Variants in DNAH7 observed in about 807,000 individuals in gnomAD.
DNAH7 encodes the protein axonemal beta dynein heavy chain 7.
DNAH7 carries 397 observed loss-of-function variants against 444.6 expected under a neutral mutation model. That is an observed-to-expected ratio of 0.89 (90% confidence interval 0.82 to 0.97). DNAH7 has a LOEUF of 0.97. Among genes scored for constraint, DNAH7 ranks in the 50% least tolerant of loss-of-function variants. The probability of loss-of-function intolerance (pLI) is 0.00; values close to 1 mark genes in which losing one functional copy is unlikely to be tolerated. For missense variants in DNAH7, 4,902 were observed against 4,800.8 expected (o/e 1.02, Z -0.62); for synonymous variants, 1,636 against 1,624.4 (o/e 1.01, Z -0.17).
chr2:195,824,270 A>AC lies in DNAH7; in HGVS notation c.9275_9276insG (p.Glu3093Ter), dbSNP rs1697606583. On this transcript the variant is annotated frameshift_variant, in exon 49 of 65. Transcript: ENST00000312428. LOFTEE classifies it high-confidence loss of function. ...ATATACTGGCCTTTACTGATGTTTC[A>AC]GGAAGATAATGAGGATTTCTTAACT... 5 of 1,612,364 alleles carry AC rather than the reference A, an allele frequency of 3.1e-6. No individual in the cohort carries two copies. The African/African-American group carries it at 4.0e-5, about 13-fold the overall frequency.
At chr2:196,046,543 A>T (rs1309213544) in intron 5 of DNAH7, among the ~76,000 whole-genome samples, 1 of 152,200 alleles carries the variant, frequency 6.6e-6, no homozygotes, top group Non-Finnish European at 1.5e-5. Flanking sequence ...AAACAATATA[A>T]GTGGGGAAAG....
intron 2 of DNAH7, among the ~76,000 whole-genome samples, chr2:196,057,316 A>T (rs895512155): frequency 1.2e-4 from 19 of 152,222 alleles, no homozygotes; most frequent in African/African-American, 4.3e-4. Flanking sequence ...AGATTATTCA[A>T]CTCAGCCACT....
intron 1 of DNAH7, among the ~76,000 whole-genome samples, chr2:196,062,661 G>A (rs1370573795): frequency 1.3e-5 from 2 of 151,950 alleles, no homozygotes; most frequent in Non-Finnish European, 2.9e-5. Context: ...CAAGCAGTTG[G>A]GGACACTATC....
intron 10 of DNAH7, among the ~76,000 whole-genome samples, chr2:196,003,122 A>G (rs1694148493): frequency 6.6e-6 from 1 of 151,982 alleles, no homozygotes; most frequent in Non-Finnish European, 1.5e-5. Flanking sequence ...TTCCATTTAA[A>G]TAATGAAGAA....
intron 21 of DNAH7, among the ~76,000 whole-genome samples, chr2:195,931,094 T>C (rs552359525): frequency 1.3e-5 from 2 of 152,160 alleles, no homozygotes; most frequent in Non-Finnish European, 2.9e-5. Flanking sequence ...GCTCAGTACC[T>C]GGGTGATGGG....
intron 19 of DNAH7, among the ~76,000 whole-genome samples, chr2:195,950,880 C>CAACAAAAAAAA (rs1690203616): frequency 1.5e-5 from 1 of 66,110 alleles, no homozygotes; most frequent in African/African-American, 4.4e-5. Context: ...AAAAAAAAAA[C>CAACAAAAAAAA]CCAGCTCCTG....
In DNAH7 at chr2:195,910,030, A is replaced by T. The variant is rs775332483; in HGVS notation, c.4101T>A (p.Phe1367Leu). Residue 1367 changes from phenylalanine (F) to leucine (L), a missense_variant, in exon 25 of 65, where the codon TTT (phenylalanine) becomes TTA (leucine). Physicochemically the swap from Phe to Leu is conservative, Grantham distance 22. Coordinates refer to ENST00000312428, the MANE Select transcript of DNAH7 (RefSeq NM_018897.3). ...GLDYLALGKF[F>L]KGLLSCGAWA... ...GAAATGAGGAGTTAATTCAAACCTT[A>T]AAGAATTTTCCCAAAGCCAAATAAT... 1 of 1,611,546 alleles carries T rather than the reference A, an allele frequency of 6.2e-7. No homozygotes were observed. Among genetic ancestry groups the T allele is most frequent in the South Asian group, 1.1e-5 (1 of 90,604 alleles).
chr2:195,844,778 A>T (rs1448713731), intron 47 of DNAH7, among the ~76,000 whole-genome samples: 1 of 152,212 alleles, frequency 6.6e-6, no homozygotes, highest in Non-Finnish European at 1.5e-5. Context: ...TAATTTAAAA[A>T]AATTAAGTAC....
In DNAH7 at chr2:195,900,317, C is replaced by T. The variant is rs765322204; in HGVS notation, c.4513G>A (p.Val1505Met). Reference sequence around the variant, plus strand: ...CCAGCAGCAGTAAGAACTGACTTCACGGCTCTCATTCCATAGTCGTAGTGA... The same window carrying T: ...CCAGCAGCAGTAAGAACTGACTTCATGGCTCTCATTCCATAGTCGTAGTGA... ...QHHYDYGMRAVKSVLTAAGNL... is the reference protein window; with the variant it reads ...QHHYDYGMRAMKSVLTAAGNL... Residue 1505 changes from valine to methionine, a missense_variant, in exon 28 of 65, where the codon GTG becomes ATG. By Grantham distance (21) the Val-to-Met change is conservative. Coordinates refer to ENST00000312428, the MANE Select transcript of DNAH7 (RefSeq NM_018897.3). 32 of 1,613,934 alleles carry T rather than the reference C, an allele frequency of 2.0e-5. No homozygotes were observed. Among genetic ancestry groups the T allele is most frequent in the Middle Eastern group, 1.7e-4 (1 of 6,060 alleles).
intron 40 of DNAH7, among the ~76,000 whole-genome samples, chr2:195,866,573 T>C (rs1353144591): frequency 6.6e-6 from 1 of 152,218 alleles, no homozygotes; most frequent in Non-Finnish European, 1.5e-5. Context: ...TATATTATTA[T>C]CTAGCTGGCA....
In DNAH7 at chr2:195,809,765, G is replaced by C. The variant is rs1273868721; in HGVS notation, c.9868C>G (p.Leu3290Val). ...CTGACCGCCCGCTCATGCAGCAGTA[G>C]ATTTATGGTTAGACAAAAGGAAAAG... ...LLFSFCLTINLLLHERAINKA... is the reference protein window; with the variant it reads ...LLFSFCLTINVLLHERAINKA... Residue 3290 changes from leucine (L) to valine (V), a missense_variant, in exon 52 of 65, where the codon CTA (leucine) becomes GTA (valine). Leu to Val is a conservative substitution (Grantham distance 32). Transcript: ENST00000312428. The C allele has an allele frequency of 6.3e-7, 1 of 1,596,388 alleles. No individual in the cohort carries two copies. The highest frequency in any genetic ancestry group is 8.5e-7 in the Non-Finnish European group (1 of 1,170,960).
chr2:195,946,216 C>T (rs1448276814), intron 19 of DNAH7, among the ~76,000 whole-genome samples: 1 of 151,556 alleles, frequency 6.6e-6, no homozygotes, highest in Non-Finnish European at 1.5e-5. Flanking sequence ...CACTTTTGGG[C>T]TATGGCAGGC....
At chr2:195,782,900 C>G (rs1290243923) in intron 58 of DNAH7, among the ~76,000 whole-genome samples, 1 of 152,158 alleles carries the variant, frequency 6.6e-6, no homozygotes. Context: ...ACAAGGCCCC[C>G]CCTTTAAATC....
At position 195,910,052 on chromosome 2, in the gene DNAH7, T is replaced by C; in HGVS notation, c.4079A>G (p.Tyr1360Cys). Residue 1360 changes from tyrosine to cysteine, a missense_variant, in exon 25 of 65, where the codon TAT becomes TGT. By Grantham distance (194) the Tyr-to-Cys change is radical. Transcript: ENST00000312428. ...VVFNCSDGLD[Y>C]LALGKFFKGL... ...CTTAAAGAATTTTCCCAAAGCCAAA[T>C]AATCCAACCCATCAGAGCAGTTGAA... The C allele has an allele frequency of 6.2e-7, 1 of 1,612,956 alleles. No homozygotes were observed. Among genetic ancestry groups the C allele is most frequent in the African/African-American group, 1.3e-5 (1 of 74,982 alleles).
chr2:195,738,369 C>T (rs1014370420), intron 64 of DNAH7, among the ~76,000 whole-genome samples: 1 of 152,094 alleles, frequency 6.6e-6, no homozygotes, highest in Non-Finnish European at 1.5e-5. Flanking sequence ...ATCTCTCACT[C>T]AGCCACAATT....
At chr2:195,890,718 C>T (rs1476922036) in intron 31 of DNAH7, among the ~76,000 whole-genome samples, 2 of 152,056 alleles carry the variant, frequency 1.3e-5, no homozygotes, top group Non-Finnish European at 2.9e-5. Context: ...ATCTCTGCCC[C>T]ATGAGAGTCA....
chr2:195,804,907 A>T (rs1696635208), intron 54 of DNAH7, among the ~76,000 whole-genome samples: 1 of 152,184 alleles, frequency 6.6e-6, no homozygotes, highest in South Asian at 2.1e-4. Context: ...AGATGATACA[A>T]GACAGAGGGC....
At chr2:195,972,950 C>A (rs1297296973) in intron 15 of DNAH7, among the ~76,000 whole-genome samples, 1 of 152,190 alleles carries the variant, frequency 6.6e-6, no homozygotes, top group African/African-American at 2.4e-5. Flanking sequence ...GCAACAGAGA[C>A]AACTGCTACA....
intron 61 of DNAH7, among the ~76,000 whole-genome samples, chr2:195,759,356 AC>A (rs1694238233): frequency 6.6e-6 from 1 of 152,130 alleles, no homozygotes; most frequent in South Asian, 2.1e-4. Flanking sequence ...TCACCTGCTG[AC>A]TAAGGAGCTC....
Sources: gnomAD v4.1 joint callset for allele counts (sites outside exome capture counted in the v4.1 genomes callset) on GRCh38, gnomAD v4.1.1 for gene constraint, MANE v1.5 for transcripts, NCBI Gene and HGNC (gene_info 2026-07-23, HGNC 2026-07-21) for gene names.